NLGN4X: variants seen among roughly 807,000 people sequenced by gnomAD.
NLGN4X encodes the protein neuroligin-4, X-linked.
In NLGN4X, 3 loss-of-function variants were observed where a neutral mutation model predicts 40.3. The observed-to-expected ratio is 0.07, with a 90% CI of 0.03 to 0.19. The LOEUF (loss-of-function observed/expected upper bound fraction) is 0.19, where lower values mean the gene tolerates loss of function less well. Ranked by LOEUF, NLGN4X falls within the 10% of genes least tolerant of loss-of-function variation. The pLI is 1.00. For missense variants in NLGN4X, 382 were observed against 708.3 expected, an observed-to-expected ratio of 0.54 and a Z score of 5.23; for synonymous variants, 270 against 306.8, an observed-to-expected ratio of 0.88 and a Z score of 1.25.
At chrX:5,914,822 G>C (rs992717035) in intron 3 of NLGN4X, among the ~76,000 whole-genome samples, 1 of 111,861 alleles carries the variant, frequency 8.9e-6, no homozygotes, top group African/African-American at 3.2e-5. Context: ...TGTTTGGTTA[G>C]AATGAAAGCA....
chrX:5,917,021 G>A (rs1379398615), intron 3 of NLGN4X, among the ~76,000 whole-genome samples: 2 of 112,386 alleles, frequency 1.8e-5, no homozygotes, highest in Non-Finnish European at 3.8e-5. Flanking sequence ...ATGTTCTGGA[G>A]CCTGCAAATC....
chrX:5,945,439 T>C (rs2034090640), intron 3 of NLGN4X, among the ~76,000 whole-genome samples: 1 of 112,288 alleles, frequency 8.9e-6, no homozygotes, highest in African/African-American at 3.2e-5. Context: ...GGTCCCGGCA[T>C]AAGAAAGTAG....
intron 2 of NLGN4X, among the ~76,000 whole-genome samples, chrX:6,070,569 C>A (rs1020861332): frequency 3.6e-5 from 4 of 111,842 alleles, no homozygotes; most frequent in African/African-American, 1.3e-4. Context: ...CATAGTGAGA[C>A]CCCATCTCTA....
intron 1 of NLGN4X, among the ~76,000 whole-genome samples, chrX:6,200,689 T>TTTTTTTTTTC (rs1432055510): frequency 2.3e-5 from 2 of 86,550 alleles, no homozygotes; most frequent in African/African-American, 4.4e-5. Context: ...TTCCTTTTCT[T>TTTTTTTTTTC]TTTTTTTTTT....
At chrX:6,055,655 A>C (rs779587917) in intron 2 of NLGN4X, among the ~76,000 whole-genome samples, 65 of 111,671 alleles carry the variant, frequency 5.8e-4, no homozygotes, top group African/African-American at 1.8e-3. Context: ...TAATAAAATA[A>C]TGAAATAAAT....
chrX:5,978,978 C>T (rs1039511764), intron 3 of NLGN4X, among the ~76,000 whole-genome samples: 4 of 110,661 alleles, frequency 3.6e-5, no homozygotes, highest in Non-Finnish European at 3.8e-5. Flanking sequence ...TTAAAATATA[C>T]ATATATGTGT....
intron 1 of NLGN4X, among the ~76,000 whole-genome samples, chrX:6,225,899 CA>C (rs1556015927): frequency 2.4e-5 from 2 of 84,435 alleles, no homozygotes; most frequent in Admixed American, 1.3e-4. Flanking sequence ...CCGCCCCCCC[CA>C]AAAAAAATGA....
chrX:6,045,081 G>A (rs1198826354), intron 2 of NLGN4X, among the ~76,000 whole-genome samples: 1 of 112,289 alleles, frequency 8.9e-6, no homozygotes, highest in African/African-American at 3.2e-5. Flanking sequence ...AGAAACAGAT[G>A]TACCTTAGAT....
In NLGN4X at chrX:6,151,092, G is replaced by A. The variant is rs1375055916; in HGVS notation, c.375C>T (p.Pro125=). 4 of 1,209,851 alleles carry A rather than the reference G, an allele frequency of 3.3e-6. No individual in the cohort carries two copies. In the African/African-American group the frequency reaches 5.2e-5, roughly 16 times the overall value. ...DERSLLHDML[P]IWFTANLDTL... The stretch of plus-strand genomic sequence containing the variant: ...TATCCAAATTGGCGGTAAACCAGAT[G>A]GGCAGCATGTCATGCAGTAAGGATC... Residue 125 remains proline, a synonymous_variant, in exon 2 of 6, where the codon CCC becomes CCT. Transcript: ENST00000381095.
chrX:5,966,627 T>A (rs754645292), intron 3 of NLGN4X, among the ~76,000 whole-genome samples: 1 of 112,725 alleles, frequency 8.9e-6, no homozygotes, highest in South Asian at 3.6e-4. Context: ...CAGACACATG[T>A]TATATGCTTT....
intron 5 of NLGN4X, among the ~76,000 whole-genome samples, chrX:5,900,172 C>T (rs2031762175): frequency 8.9e-6 from 1 of 112,621 alleles, no homozygotes; most frequent in African/African-American, 3.2e-5. Context: ...ACGCTGAAGT[C>T]ATAACCCCAG....
At chrX:6,082,951 TTTTTC>T (rs199609216) in intron 2 of NLGN4X, among the ~76,000 whole-genome samples, 12,731 of 73,191 alleles carry the variant, frequency 0.17, 1,801 homozygotes, top group Non-Finnish European at 0.21. Flanking sequence ...ATGATGCGTT[TTTTTC>T]TTTTTTTTTT....
intron 1 of NLGN4X, among the ~76,000 whole-genome samples, chrX:6,173,642 T>C (rs990348654): frequency 1.8e-5 from 2 of 112,130 alleles, no homozygotes; most frequent in African/African-American, 6.5e-5. Flanking sequence ...CCTGGCTGGG[T>C]TTCCCCACTC....
At chrX:6,166,820 C>T (rs1441220461) in intron 1 of NLGN4X, among the ~76,000 whole-genome samples, 1 of 110,907 alleles carries the variant, frequency 9.0e-6, no homozygotes, top group Admixed American at 9.7e-5. Flanking sequence ...GCCTATAATC[C>T]CAACACTTTC....
chrX:5,911,940 G>A (rs963420645), intron 3 of NLGN4X, among the ~76,000 whole-genome samples: 1 of 111,873 alleles, frequency 8.9e-6, no homozygotes, highest in Non-Finnish European at 1.9e-5. Flanking sequence ...TAAAAGTAAT[G>A]AAAGGCCACC....
At chrX:6,204,664 C>T (rs866245995) in intron 1 of NLGN4X, among the ~76,000 whole-genome samples, 1 of 111,243 alleles carries the variant, frequency 9.0e-6, no homozygotes, top group African/African-American at 3.3e-5. Context: ...AGACCAGTAA[C>T]GGCAACTTCA....
chrX:6,045,481 A>C (rs1225613622), intron 2 of NLGN4X, among the ~76,000 whole-genome samples: 1 of 111,880 alleles, frequency 8.9e-6, no homozygotes, highest in East Asian at 2.8e-4. Flanking sequence ...TTAAAAAAAA[A>C]CTATGCAGTG....
chrX:6,130,622 G>A (rs1394162095), intron 2 of NLGN4X, among the ~76,000 whole-genome samples: 3 of 112,639 alleles, frequency 2.7e-5, no homozygotes, highest in Admixed American at 1.9e-4. Context: ...CTCTATTTTC[G>A]AGCAGGATGC....
chrX:6,159,211 T>C (rs1285027796), intron 1 of NLGN4X, among the ~76,000 whole-genome samples: 2 of 111,543 alleles, frequency 1.8e-5, no homozygotes, highest in Non-Finnish European at 3.8e-5. Flanking sequence ...GCAAGGACAG[T>C]ATGAAAACCA....
Sources: gnomAD v4.1 joint callset for allele counts (sites outside exome capture counted in the v4.1 genomes callset) on GRCh38, gnomAD v4.1.1 for gene constraint, MANE v1.5 for transcripts, NCBI Gene and HGNC (gene_info 2026-07-23, HGNC 2026-07-21) for gene names.